The following GREB1L variants were observed in gnomAD, a reference collection of about 807,000 sequenced individuals.
The protein encoded by GREB1L is GREB1 like retinoic acid receptor coactivator, also known as GREB1-like protein.
Under a neutral mutation model 200.8 loss-of-function variants are expected in GREB1L, and 17 were observed. The observed-to-expected ratio is 0.08, with a 90% CI of 0.06 to 0.13. The LOEUF (loss-of-function observed/expected upper bound fraction) is 0.13. Among genes scored for constraint, GREB1L ranks in the 10% least tolerant of loss-of-function variants. The pLI is 1.00. For missense variants in GREB1L, 1,657 were observed against 2,367.7 expected, an observed-to-expected ratio of 0.70 and a Z score of 6.23; for synonymous variants, 789 against 893.0, an observed-to-expected ratio of 0.88 and a Z score of 2.08.
intron 1 of GREB1L, among the ~76,000 whole-genome samples, chr18:21,278,735 T>C (rs557650259): frequency 6.6e-6 from 1 of 152,226 alleles, no homozygotes; most frequent in East Asian, 1.9e-4. Flanking sequence ...CAGATTTGAA[T>C]AAAATATCAG....
intron 15 of GREB1L, among the ~76,000 whole-genome samples, chr18:21,469,063 T>G (rs915132893): frequency 2.0e-5 from 3 of 152,218 alleles, no homozygotes; most frequent in African/African-American, 7.2e-5. Flanking sequence ...TGGAAGTGAT[T>G]TAAAATCTTG....
chr18:21,335,695 G>T (rs1413378815), intron 1 of GREB1L, among the ~76,000 whole-genome samples: 2 of 141,842 alleles, frequency 1.4e-5, no homozygotes, highest in African/African-American at 5.2e-5. Flanking sequence ...ACAGAGTCTT[G>T]CTCTGTTGCC....
chr18:21,466,691 A>G (rs2145619609), intron 15 of GREB1L, among the ~76,000 whole-genome samples: 1 of 152,338 alleles, frequency 6.6e-6, no homozygotes, highest in Non-Finnish European at 1.5e-5. Context: ...AAATTGGTGT[A>G]CAGATTCAAT....
At chr18:21,346,874 C>T (rs1004819058) in intron 1 of GREB1L, among the ~76,000 whole-genome samples, 1 of 152,130 alleles carries the variant, frequency 6.6e-6, no homozygotes, top group Non-Finnish European at 1.5e-5. Context: ...TCAACTCTTC[C>T]TTTTCTTTAA....
At chr18:21,401,078 A>G in intron 5 of GREB1L, 72 bp from the exon 6 acceptor site, 2 of 1,245,116 alleles carry the variant, frequency 1.6e-6, no homozygotes, top group Non-Finnish European at 2.3e-6. Flanking sequence ...GAATGTTTCT[A>G]TGCTGTTTAA....
chr18:21,381,324 CT>C lies in GREB1L; in HGVS notation c.-9-2184del, dbSNP rs777975344. On this transcript the variant is annotated intron_variant, in intron 2 of 32. Transcript: ENST00000424526. Reference sequence around the variant, plus strand: ...TCGGGAGGCTGAGGCAGGAGAATTGCTTGAACCCAGGTGGCAGAGATTGCAG... The same window carrying C: ...TCGGGAGGCTGAGGCAGGAGAATTGCTGAACCCAGGTGGCAGAGATTGCAG... Among the ~76,000 whole-genome samples the C allele has an allele frequency of 4.6e-5, 7 of 151,958 alleles. No individual in the cohort carries two copies. In the East Asian group the frequency reaches 1.4e-3, roughly 29 times the overall value.
chr18:21,275,290 A>G (rs1031763389), intron 1 of GREB1L, among the ~76,000 whole-genome samples: 2 of 152,120 alleles, frequency 1.3e-5, no homozygotes, highest in Non-Finnish European at 2.9e-5. Context: ...AAGGAGAGAA[A>G]CTAAACTAGT....
intron 16 of GREB1L, among the ~76,000 whole-genome samples, chr18:21,476,899 A>C (rs1327166533): frequency 6.6e-6 from 1 of 152,086 alleles, no homozygotes; most frequent in African/African-American, 2.4e-5. Flanking sequence ...TTTAGATATC[A>C]CTGGCCTAAA....
At position 21,523,839 on chromosome 18, in the gene GREB1L, C is replaced by T. The variant is rs2037642341; in HGVS notation, c.*1018C>T. 1 of 152,152 alleles carries T rather than the reference C, an allele frequency of 6.6e-6. No individual in the cohort carries two copies. The highest frequency in any genetic ancestry group is 1.5e-5 in the Non-Finnish European group (1 of 68,020). 9.4% of individuals were successfully genotyped at this position (152,152 alleles called of 1,614,324 possible). A position where few individuals can be genotyped will look rare whatever the true frequency, so the allele number is the denominator to read the frequency against. ...AAATTGCCGAATTGGGAAATTGAGC[C>T]ATAGAAAGAGAAATGTTTTTTTACT... is the stretch of plus-strand genomic sequence containing the variant. On this transcript the variant is annotated 3_prime_UTR_variant, in exon 33 of 33. Coordinates refer to ENST00000424526, the MANE Select transcript of GREB1L (RefSeq NM_001142966.3).
At chr18:21,399,730 G>A (rs1456256252) in intron 5 of GREB1L, among the ~76,000 whole-genome samples, 2 of 152,158 alleles carry the variant, frequency 1.3e-5, no homozygotes, top group East Asian at 3.8e-4. Flanking sequence ...TTGACCAGAG[G>A]TTATGAATAT....
intron 5 of GREB1L, among the ~76,000 whole-genome samples, chr18:21,400,492 G>A (rs1194144338): frequency 1.3e-5 from 2 of 152,188 alleles, no homozygotes; most frequent in African/African-American, 4.8e-5. Context: ...TCTGGCCTGT[G>A]CTCTGCTTTC....
At chr18:21,501,066 C>CAA (rs11295281) in intron 23 of GREB1L, among the ~76,000 whole-genome samples, 4 of 87,060 alleles carry the variant, frequency 4.6e-5, no homozygotes, top group Non-Finnish European at 5.4e-5. Flanking sequence ...GACTTTGTCT[C>CAA]AAAAAAAAAA....
At chr18:21,427,519 C>CA (rs2032713068) in intron 7 of GREB1L, among the ~76,000 whole-genome samples, 2 of 152,044 alleles carry the variant, frequency 1.3e-5, no homozygotes, top group African/African-American at 2.4e-5. Flanking sequence ...AAACAAAAAA[C>CA]AAAAAAACCA....
At chr18:21,503,647 G>T (rs1295881080) in intron 23 of GREB1L, among the ~76,000 whole-genome samples, 1 of 149,560 alleles carries the variant, frequency 6.7e-6, no homozygotes, top group Non-Finnish European at 1.5e-5. Context: ...TGCGATCTTG[G>T]CTCACTGCAA....
chr18:21,303,560 G>A (rs1255606585), intron 1 of GREB1L, among the ~76,000 whole-genome samples: 3 of 152,170 alleles, frequency 2.0e-5, no homozygotes, highest in East Asian at 1.9e-4. Flanking sequence ...TGATTCAAAG[G>A]TGTGATGTTA....
At chr18:21,340,659 C>T (rs1453349321) in intron 1 of GREB1L, among the ~76,000 whole-genome samples, 1 of 151,872 alleles carries the variant, frequency 6.6e-6, no homozygotes, top group East Asian at 2.0e-4. Context: ...TCTCCTGCCT[C>T]AGCCTCCTGA....
At chr18:21,426,958 CAAAAAAAAAAAAAACA>C (rs2032636494) in intron 7 of GREB1L, among the ~76,000 whole-genome samples, 1 of 68,426 alleles carries the variant, frequency 1.5e-5, no homozygotes, top group African/African-American at 3.8e-5. Flanking sequence ...GACTACGTCT[CAAAAAAAAAAAAAACA>C]AAAAAAAAAA....
intron 21 of GREB1L, among the ~76,000 whole-genome samples, chr18:21,498,102 G>A (rs1210371203): frequency 2.6e-5 from 4 of 152,058 alleles, no homozygotes; most frequent in Admixed American, 6.6e-5. Context: ...GATTACAGAC[G>A]TGAGCCACCG....
intron 4 of GREB1L, among the ~76,000 whole-genome samples, chr18:21,386,093 G>GT (rs2040526245): frequency 6.6e-6 from 1 of 152,108 alleles, no homozygotes; most frequent in Non-Finnish European, 1.5e-5. Flanking sequence ...AGGAGGTGCA[G>GT]TTTTTTTAAC....
Sources: gnomAD v4.1 joint callset for allele counts (sites outside exome capture counted in the v4.1 genomes callset) on GRCh38, gnomAD v4.1.1 for gene constraint, MANE v1.5 for transcripts, NCBI Gene and HGNC (gene_info 2026-07-23, HGNC 2026-07-21) for gene names.